ATP8B4: variants seen among roughly 807,000 people sequenced by gnomAD.
ATP8B4 encodes ATPase phospholipid transporting 8B4 (putative).
Under a neutral mutation model 145.6 loss-of-function variants are expected in ATP8B4, and 133 were observed. The ratio of observed to expected loss-of-function variants is 0.91; its 90% CI spans 0.79 to 1.05. ATP8B4 has a LOEUF of 1.05. ATP8B4 is among the 50% of genes least tolerant of loss of function. The pLI, the probability that ATP8B4 is intolerant of heterozygous loss-of-function variation, is 0.00. For missense variants in ATP8B4, 1,458 were observed against 1,425.2 expected (o/e 1.02, Z -0.37); for synonymous variants, 507 against 492.9 (o/e 1.03, Z -0.38).
At chr15:49,919,049 T>G (rs1347173079) in intron 18 of ATP8B4, 99 bp from the exon 19 acceptor site, 1 of 851,522 alleles carries the variant, frequency 1.2e-6, no homozygotes, top group Admixed American at 2.5e-5. Context: ...CAAAGAATAT[T>G]AATTGAAGAC....
At chr15:50,134,481 A>G (rs1416202430) in intron 1 of ATP8B4, among the ~76,000 whole-genome samples, 1 of 152,190 alleles carries the variant, frequency 6.6e-6, no homozygotes, top group Non-Finnish European at 1.5e-5. Flanking sequence ...AAGTAGAAAG[A>G]ACAGCAGGAA....
At chr15:49,994,344 G>A (rs2047255159) in intron 9 of ATP8B4, among the ~76,000 whole-genome samples, 1 of 152,002 alleles carries the variant, frequency 6.6e-6, no homozygotes, top group Non-Finnish European at 1.5e-5. Context: ...GTCTCTTTAC[G>A]TTAGGACTTT....
At position 49,859,315 on chromosome 15, in the gene ATP8B4, A is replaced by G. The variant is rs929488926; in HGVS notation, c.*879T>C. ...TTTAAAAATTGGAAATGTTGAAAATATTTGCCCATAGACTATGTGGAATAT... is the reference window on the plus strand; with the variant it reads ...TTTAAAAATTGGAAATGTTGAAAATGTTTGCCCATAGACTATGTGGAATAT... On this transcript the variant is annotated 3_prime_UTR_variant, in exon 28 of 28. Coordinates refer to ENST00000284509, the MANE Select transcript of ATP8B4 (RefSeq NM_024837.4). The G allele has an allele frequency of 6.6e-6, 1 of 152,218 alleles. No homozygotes were observed. The highest frequency in any genetic ancestry group is 2.4e-5 in the African/African-American group (1 of 41,452). The allele number at this position is 152,218 out of a possible 1,614,324, so 9.4% of individuals were successfully genotyped here.
Position 49,996,661 on chromosome 15 carries a change from T to G in ATP8B4, c.589+16A>C, listed in dbSNP as rs71469670. On this transcript the variant is annotated intron_variant, in intron 9 of 27. Transcript: ENST00000284509. Reference sequence around the variant, plus strand: ...GGTTTGAGGTTTTTGTTTGTTTATCTGTTTAAAATACTTACCATCAAACCC... The same window carrying G: ...GGTTTGAGGTTTTTGTTTGTTTATCGGTTTAAAATACTTACCATCAAACCC... 127,779 of 1,561,954 alleles carry G rather than the reference T, an allele frequency of 0.082. 5,696 individuals carry two copies. The highest frequency in any genetic ancestry group is 0.13 in the South Asian group (11,144 of 86,990).
At chr15:49,880,905 G>A (rs1343396250) in intron 23 of ATP8B4, among the ~76,000 whole-genome samples, 1 of 151,772 alleles carries the variant, frequency 6.6e-6, no homozygotes, top group Non-Finnish European at 1.5e-5. Flanking sequence ...GAGGTCAGGA[G>A]ATCAAGACCA....
chr15:50,127,181 C>T (rs867614629), intron 1 of ATP8B4, among the ~76,000 whole-genome samples: 21 of 152,196 alleles, frequency 1.4e-4, no homozygotes, highest in African/African-American at 5.1e-4. Context: ...CTGCCTGGAA[C>T]CTCTGCCTCC....
chr15:50,153,320 C>A (rs1156831815), intron 1 of ATP8B4, among the ~76,000 whole-genome samples: 1 of 150,770 alleles, frequency 6.6e-6, no homozygotes, highest in Non-Finnish European at 1.5e-5. Context: ...AGTTTTCATT[C>A]CAGGCAAACA....
chr15:49,939,963 T>C (rs909649222), intron 14 of ATP8B4, among the ~76,000 whole-genome samples: 12 of 152,196 alleles, frequency 7.9e-5, no homozygotes, highest in Non-Finnish European at 1.5e-5. Context: ...TGTAAATTAG[T>C]TCAGCCACTG....
At chr15:50,105,896 T>C (rs2056654333) in intron 2 of ATP8B4, among the ~76,000 whole-genome samples, 1 of 149,004 alleles carries the variant, frequency 6.7e-6, no homozygotes, top group African/African-American at 2.5e-5. Context: ...ATCTTCACAC[T>C]ATTAAGATTG....
intron 12 of ATP8B4, among the ~76,000 whole-genome samples, chr15:49,977,049 A>C (rs2045728769): frequency 6.6e-6 from 1 of 152,198 alleles, no homozygotes; most frequent in African/African-American, 2.4e-5. Context: ...GCCTTAACAC[A>C]ACAGATAAAC....
At chr15:50,030,086 G>C (rs1262163409) in intron 6 of ATP8B4, among the ~76,000 whole-genome samples, 1 of 152,042 alleles carries the variant, frequency 6.6e-6, no homozygotes, top group Admixed American at 6.5e-5. Context: ...ATAATATTTT[G>C]ATCTCTTTTA....
chr15:50,100,934 C>T (rs892251704), intron 2 of ATP8B4, among the ~76,000 whole-genome samples: 5 of 152,098 alleles, frequency 3.3e-5, no homozygotes, highest in African/African-American at 1.2e-4. Context: ...AATAAAAAAA[C>T]AATTATGTAC....
chr15:50,128,016 T>C (rs888934868), intron 1 of ATP8B4, among the ~76,000 whole-genome samples: 1 of 152,192 alleles, frequency 6.6e-6, no homozygotes, highest in African/African-American at 2.4e-5. Context: ...TGCAACCCCA[T>C]GTTTCTGTGC....
At chr15:49,919,218 G>A (rs1421322064) in intron 18 of ATP8B4, among the ~76,000 whole-genome samples, 4 of 152,212 alleles carry the variant, frequency 2.6e-5, no homozygotes, top group East Asian at 3.9e-4. Flanking sequence ...ACATGTTAGC[G>A]TGAGCAGTAG....
At chr15:49,923,944 G>A (rs1209590289) in intron 16 of ATP8B4, among the ~76,000 whole-genome samples, 1 of 151,806 alleles carries the variant, frequency 6.6e-6, no homozygotes, top group Non-Finnish European at 1.5e-5. Flanking sequence ...TCAAAGTCAT[G>A]GTTTATGCAT....
intron 1 of ATP8B4, among the ~76,000 whole-genome samples, chr15:50,158,937 A>G (rs2044473575): frequency 6.6e-6 from 1 of 152,172 alleles, no homozygotes; most frequent in African/African-American, 2.4e-5. Context: ...ACCACTCCCT[A>G]ATCTCAAGTA....
chr15:50,034,902 T>C (rs2050723328), intron 6 of ATP8B4, among the ~76,000 whole-genome samples: 1 of 152,230 alleles, frequency 6.6e-6, no homozygotes, highest in Non-Finnish European at 1.5e-5. Context: ...CATTTAAGTA[T>C]GTATTGGTAC....
intron 1 of ATP8B4, among the ~76,000 whole-genome samples, chr15:50,143,218 A>G (rs920952017): frequency 6.6e-6 from 1 of 152,222 alleles, no homozygotes; most frequent in Non-Finnish European, 1.5e-5. Context: ...AGTGGCTTAA[A>G]ACAACAATAT....
chr15:49,998,511 C>T (rs923426044), intron 8 of ATP8B4, among the ~76,000 whole-genome samples: 5 of 152,064 alleles, frequency 3.3e-5, no homozygotes, highest in Admixed American at 1.3e-4. Flanking sequence ...CATTTTTTCA[C>T]GTGTTTTTTG....
Sources: allele counts gnomAD v4.1 joint callset (sites outside exome capture counted in the v4.1 genomes callset), GRCh38; gene constraint gnomAD v4.1.1; transcripts MANE v1.5; gene names NCBI Gene and HGNC (gene_info 2026-07-23, HGNC 2026-07-21).